SYNGR1: variants seen among roughly 807,000 people sequenced by gnomAD.
SYNGR1 encodes the protein synaptogyrin-1.
SYNGR1 carries 14 observed loss-of-function variants against 26.1 expected under a neutral mutation model. That is an observed-to-expected ratio of 0.54 (90% confidence interval 0.35 to 0.84). The LOEUF is 0.84. SYNGR1 is among the 40% of genes least tolerant of loss of function. The pLI is 0.01. For missense variants in SYNGR1, 319 were observed against 332.9 expected, an observed-to-expected ratio of 0.96 and a Z score of 0.33; for synonymous variants, 141 against 150.1, an observed-to-expected ratio of 0.94 and a Z score of 0.44.
rs1010169 is a variant in SYNGR1, at chr22:39,382,162, A to G, written c.*248A>G. 0.73 allele frequency: 432,244 copies of G among 588,722 alleles called. 162,137 individuals carry two copies. The highest frequency in any genetic ancestry group is 1 in the East Asian group (35,609 of 35,682). 36.5% of individuals were successfully genotyped at this position (588,722 alleles called of 1,614,324 possible). On this transcript the variant is annotated 3_prime_UTR_variant, in exon 4 of 4. Transcript: ENST00000328933. ...GTGGGGGCCAGGGGTATTTGCATTC[A>G]TACATTGTGTCATCAAGCATTCCTT...
chr22:39,364,343 G>A (rs1237159756), intron 1 of SYNGR1: 1 of 1,613,438 alleles, frequency 6.2e-7, no homozygotes, highest in Non-Finnish European at 8.5e-7. Flanking sequence ...GGGCCTCTCT[G>A]AGCCTTAGCC....
chr22:39,365,366 A>C (rs543154238), intron 1 of SYNGR1, among the ~76,000 whole-genome samples: 4 of 151,954 alleles, frequency 2.6e-5, no homozygotes, highest in African/African-American at 9.7e-5. Context: ...TCAAGCCTCA[A>C]CTCCACTCCT....
chr22:39,350,667 TCCTTCTCTG>T lies in SYNGR1; in HGVS notation c.99+560_99+568del, dbSNP rs1234973340. On this transcript the variant is annotated intron_variant, in intron 1 of 3. Transcript: ENST00000328933. The surrounding 1 kb of genome is among the most constrained non-coding windows in gnomAD (Gnocchi z 4.3). ...CTCTCTTCCACCCGGGAACTGCCTCTCCTTCTCTGCGTGACCTTGGGCTGGGAGCCACCC... is the reference window on the plus strand; with the variant it reads ...CTCTCTTCCACCCGGGAACTGCCTCTCGTGACCTTGGGCTGGGAGCCACCC... Among the ~76,000 whole-genome samples, 1 of 152,126 alleles carries T rather than the reference TCCTTCTCTG, an allele frequency of 6.6e-6. No homozygotes were observed. Among genetic ancestry groups the T allele is most frequent in the Non-Finnish European group, 1.5e-5 (1 of 68,012 alleles).
intron 1 of SYNGR1, among the ~76,000 whole-genome samples, chr22:39,371,571 A>G (rs1173758948): frequency 2.6e-5 from 4 of 152,022 alleles, no homozygotes; most frequent in Non-Finnish European, 4.4e-5. Context: ...CTGGTGGATC[A>G]CTGGAGGTTA....
chr22:39,374,999 G>C, intron 2 of SYNGR1: 1 of 249,452 alleles, frequency 4.0e-6, no homozygotes, highest in Admixed American at 5.1e-5. Flanking sequence ...GCAGGACCAG[G>C]GCCTGGACCT....
chr22:39,364,818 G>A (rs1196515958), intron 1 of SYNGR1, among the ~76,000 whole-genome samples: 3 of 152,134 alleles, frequency 2.0e-5, no homozygotes, highest in Non-Finnish European at 4.4e-5. Flanking sequence ...ATGTGTCTCT[G>A]AATCCAGTAG....
In SYNGR1 at chr22:39,385,328, T is replaced by A. The variant is rs1377082859; in HGVS notation, c.*3414T>A. 6.0e-6 allele frequency: 1 copy of A among 167,692 alleles called. No homozygotes were observed. Among genetic ancestry groups the A allele is most frequent in the African/African-American group, 2.4e-5 (1 of 41,904 alleles). 10.4% of individuals were successfully genotyped at this position (167,692 alleles called of 1,614,324 possible). ...CTGTGTATAGTATAAATATATATAT[T>A]TTCTATATATAAGATGTATAATATA... On this transcript the variant is annotated 3_prime_UTR_variant, in exon 4 of 4. Coordinates refer to ENST00000328933, the MANE Select transcript of SYNGR1 (RefSeq NM_004711.5).
At chr22:39,358,427 C>T (rs982548996) in intron 1 of SYNGR1, among the ~76,000 whole-genome samples, 1 of 152,188 alleles carries the variant, frequency 6.6e-6, no homozygotes, top group Non-Finnish European at 1.5e-5. Context: ...TTCGTCTGCT[C>T]GTTGCGATAA....
chr22:39,379,011 A>G (rs868833138), intron 3 of SYNGR1, among the ~76,000 whole-genome samples: 4 of 152,176 alleles, frequency 2.6e-5, no homozygotes, highest in African/African-American at 9.7e-5. Context: ...ACCAGCCTGG[A>G]TAGTAGAGCC....
In SYNGR1 at chr22:39,380,174, A is replaced by AC. The variant is rs565195310; in HGVS notation, c.484-1522_484-1521insC. 1.6e-4 allele frequency among the ~76,000 whole-genome samples: 24 copies of AC among 151,688 alleles called. No individual in the cohort carries two copies. In the East Asian group the frequency reaches 3.5e-3, roughly 22 times the overall value. ...AATCTGAGATCTGTGAAAAAAAAAAAAAAAACGGGGCGGCTTCAGGCTAGG... is the reference window on the plus strand; with the variant it reads ...AATCTGAGATCTGTGAAAAAAAAAAACAAAAACGGGGCGGCTTCAGGCTAGG... On this transcript the variant is annotated intron_variant, in intron 3 of 3. Coordinates refer to ENST00000328933, the MANE Select transcript of SYNGR1 (RefSeq NM_004711.5).
At chr22:39,377,329 T>C in intron 3 of SYNGR1, 1 of 985,432 alleles carries the variant, frequency 1.0e-6, no homozygotes, top group Non-Finnish European at 1.2e-6. Flanking sequence ...CCTTGGCTGC[T>C]CCACCCCTCA....
At position 39,377,355 on chromosome 22, in the gene SYNGR1, G is replaced by T. The variant is rs886887935; in HGVS notation, c.483+1158G>T. 5 of 985,312 alleles carry T rather than the reference G, an allele frequency of 5.1e-6. No individual in the cohort carries two copies. In the Admixed American group the frequency reaches 2.5e-4, roughly 48 times the overall value. 61.0% of individuals were successfully genotyped at this position (985,312 alleles called of 1,614,324 possible). On this transcript the variant is annotated intron_variant, in intron 3 of 3. Transcript: ENST00000328933. The stretch of plus-strand genomic sequence containing the variant: ...CCACCCCTCAGTGTCCTCAAGACTG[G>T]GTAGGAAGAACCAGGTGACCCCAGG...
At chr22:39,351,382 C>T (rs142232233) in intron 1 of SYNGR1, among the ~76,000 whole-genome samples, 3 of 152,334 alleles carry the variant, frequency 2.0e-5, no homozygotes, top group South Asian at 2.1e-4. Flanking sequence ...TCTCAAATGC[C>T]GTCAGATGGG....
At chr22:39,359,630 CAAAAAAAAAAAA>C (rs60500594) in intron 1 of SYNGR1, among the ~76,000 whole-genome samples, 2,140 of 78,152 alleles carry the variant, frequency 0.027, 44 homozygotes, top group Middle Eastern at 0.095. Context: ...GACTCTGTCT[CAAAAAAAAAAAA>C]AAAAAAAAAA....
rs1316052762 is a variant in SYNGR1 at position 39,382,600 on chromosome 22, G to A, written c.*686G>A. 6.4e-5 allele frequency: 10 copies of A among 155,378 alleles called. No individual in the cohort carries two copies. Among genetic ancestry groups the A allele is most frequent in the East Asian group, 1.9e-4 (1 of 5,248 alleles). The allele number at this position is 155,378 out of a possible 1,614,324, so 9.6% of individuals were successfully genotyped here. On this transcript the variant is annotated 3_prime_UTR_variant, in exon 4 of 4. Coordinates refer to ENST00000328933, the MANE Select transcript of SYNGR1 (RefSeq NM_004711.5). ...GCCACCCACCTCCTACCATCCCCAC[G>A]CTTGGGGCTTCCCTGCTCAGTGTTA... is the stretch of plus-strand genomic sequence containing the variant.
intron 3 of SYNGR1, chr22:39,379,656 A>AAG (rs397741980): frequency 3.8e-4 from 57 of 151,102 alleles, no homozygotes; most frequent in Non-Finnish European, 3.1e-4. Context: ...AAAAAAAAAA[A>AAG]GGAAATGCCC....
chr22:39,356,198 A>G (rs1479039365), intron 1 of SYNGR1, among the ~76,000 whole-genome samples: 1 of 151,688 alleles, frequency 6.6e-6, no homozygotes, highest in Non-Finnish European at 1.5e-5. Context: ...TCCTGAGTAG[A>G]TGTCCGCCAC....
intron 3 of SYNGR1, chr22:39,377,458 A>C: frequency 6.6e-7 from 1 of 1,520,346 alleles, no homozygotes; most frequent in Non-Finnish European, 8.8e-7. Flanking sequence ...CGGGGCTCAC[A>C]GAGGAGTAGT....
At chr22:39,376,380 T>C (rs1925285289) in intron 3 of SYNGR1, among the ~76,000 whole-genome samples, 183 bp downstream of exon 3, 2 of 152,110 alleles carry the variant, frequency 1.3e-5, no homozygotes, top group Admixed American at 1.3e-4. Flanking sequence ...GCAAGGAGGC[T>C]ACAGCCCTCG....
Sources: allele counts gnomAD v4.1 joint callset (sites outside exome capture counted in the v4.1 genomes callset), GRCh38; gene constraint gnomAD v4.1.1; non-coding constraint Gnocchi (gnomAD v3.1); transcripts MANE v1.5; gene names NCBI Gene and HGNC (gene_info 2026-07-23, HGNC 2026-07-21).